Variants in DPP10 observed in about 807,000 individuals in gnomAD.
DPP10 encodes dipeptidyl peptidase like 10.
A neutral mutation model predicts 120.9 loss-of-function variants in DPP10; 33 were observed. That is an observed-to-expected ratio of 0.27 (90% CI 0.21 to 0.37). The LOEUF is 0.37. Ranked by LOEUF, DPP10 falls within the 10% of genes least tolerant of loss-of-function variation. The pLI is 1.00. For synonymous variants in DPP10, 337 were observed against 326.1 expected (o/e 1.03, Z -0.36); for missense variants, 816 against 942.8 (o/e 0.87, Z 1.76).
chr2:114,683,558 C>T (rs191268325), intron 1 of DPP10, among the ~76,000 whole-genome samples: 1,795 of 133,464 alleles, frequency 0.013, 16 homozygotes, highest in Non-Finnish European at 0.021. Context: ...CTCTCTCTCT[C>T]CCTCCCTCCC....
intron 3 of DPP10, among the ~76,000 whole-genome samples, chr2:115,415,135 T>C (rs2069277142): frequency 1.3e-5 from 2 of 152,176 alleles, no homozygotes. Context: ...CCTGGTAAGA[T>C]AAGTATTTGA....
At chr2:115,363,012 A>G (rs1283929969) in intron 3 of DPP10, among the ~76,000 whole-genome samples, 1 of 152,170 alleles carries the variant, frequency 6.6e-6, no homozygotes, top group East Asian at 1.9e-4. Flanking sequence ...TTGAACATTC[A>G]TTACTGGGTT....
intron 1 of DPP10, among the ~76,000 whole-genome samples, chr2:115,141,590 T>C (rs1444768134): frequency 2.6e-5 from 4 of 152,218 alleles, no homozygotes; most frequent in Non-Finnish European, 5.9e-5. Context: ...TAAATACTTG[T>C]TAATAACTTG....
At chr2:114,934,800 T>G (rs1574516620) in intron 1 of DPP10, among the ~76,000 whole-genome samples, 1 of 151,948 alleles carries the variant, frequency 6.6e-6, no homozygotes, top group South Asian at 2.1e-4. Flanking sequence ...GGGGAGGAGG[T>G]AAGTGAAATA....
chr2:115,195,102 A>C (rs1167852561), intron 1 of DPP10, among the ~76,000 whole-genome samples: 1 of 152,170 alleles, frequency 6.6e-6, no homozygotes, highest in African/African-American at 2.4e-5. Flanking sequence ...CTGATGAGTC[A>C]GTATTGTTAT....
At chr2:114,614,668 C>T (rs910264702) in intron 1 of DPP10, among the ~76,000 whole-genome samples, 1 of 152,110 alleles carries the variant, frequency 6.6e-6, no homozygotes, top group African/African-American at 2.4e-5. Context: ...AGTTTGCTTA[C>T]GCAATTTCGG....
chr2:115,816,995 TC>T (rs1242825750), intron 21 of DPP10, among the ~76,000 whole-genome samples: 2 of 145,066 alleles, frequency 1.4e-5, no homozygotes, highest in Non-Finnish European at 3.0e-5. Context: ...ACGCCTGTAA[TC>T]CCAGCACTTT....
chr2:115,671,768 T>G (rs2089895297), intron 5 of DPP10, among the ~76,000 whole-genome samples: 1 of 152,132 alleles, frequency 6.6e-6, no homozygotes, highest in Non-Finnish European at 1.5e-5. Flanking sequence ...TAAAATCATT[T>G]TCTTTCTCTT....
At chr2:115,808,312 T>C (rs1686252441) in intron 19 of DPP10, among the ~76,000 whole-genome samples, 1 of 152,180 alleles carries the variant, frequency 6.6e-6, no homozygotes, top group Non-Finnish European at 1.5e-5. Flanking sequence ...AATACTTCGA[T>C]GACATAAAAC....
chr2:115,387,772 G>A (rs1027373424), intron 3 of DPP10, among the ~76,000 whole-genome samples: 1 of 152,128 alleles, frequency 6.6e-6, no homozygotes, highest in Non-Finnish European at 1.5e-5. Context: ...CAAGCCCTGG[G>A]TCAGTGGCTA....
At chr2:115,419,260 T>G (rs1454185376) in intron 3 of DPP10, among the ~76,000 whole-genome samples, 1 of 152,194 alleles carries the variant, frequency 6.6e-6, no homozygotes, top group Non-Finnish European at 1.5e-5. Context: ...CATACATTCT[T>G]GGATTCATCA....
At chr2:114,540,955 C>T (rs1389447624) in intron 1 of DPP10, among the ~76,000 whole-genome samples, 8 of 152,184 alleles carry the variant, frequency 5.3e-5, no homozygotes, top group Non-Finnish European at 1.2e-4. Flanking sequence ...GAAGCTGCTA[C>T]CCTCCACTCC....
In DPP10 at chr2:114,780,465, C is replaced by A. The variant is rs551918845; in HGVS notation, c.60+337627C>A. Among the ~76,000 whole-genome samples, 90 of 152,068 alleles carry A rather than the reference C, an allele frequency of 5.9e-4. 1 individual carries two copies. Among genetic ancestry groups the A allele is most frequent in the Non-Finnish European group, 4.4e-5 (3 of 67,958 alleles). ...AGAAGTCTGAATCATTATTTTAATTCTTTAGGGTACTGGAAGGAATTTAGG... is the reference window on the plus strand; with the variant it reads ...AGAAGTCTGAATCATTATTTTAATTATTTAGGGTACTGGAAGGAATTTAGG... On this transcript the variant is annotated intron_variant, in intron 1 of 25. Transcript: ENST00000410059.
intron 1 of DPP10, among the ~76,000 whole-genome samples, chr2:114,521,641 T>C (rs113654083): frequency 0.021 from 3,194 of 152,090 alleles, 37 homozygotes; most frequent in South Asian, 0.031. Context: ...TAAAAAAAGG[T>C]CTATTGTGTT....
chr2:115,092,518 G>T (rs1709348964), intron 1 of DPP10, among the ~76,000 whole-genome samples: 1 of 152,146 alleles, frequency 6.6e-6, no homozygotes. Context: ...AGTTGTACCA[G>T]TTCCCATCTC....
intron 21 of DPP10, among the ~76,000 whole-genome samples, chr2:115,826,549 C>T (rs146958995): frequency 0.013 from 1,973 of 152,024 alleles, 46 homozygotes; most frequent in African/African-American, 0.043. Context: ...GGTAAAACAC[C>T]GTCTCTACTA....
intron 1 of DPP10, among the ~76,000 whole-genome samples, chr2:114,502,233 G>A (rs151140230): frequency 3.3e-5 from 5 of 152,080 alleles, no homozygotes; most frequent in Non-Finnish European, 7.3e-5. Context: ...GATAACAGGC[G>A]TGAGCCACTG....
At chr2:114,928,422 T>C (rs535512336) in intron 1 of DPP10, among the ~76,000 whole-genome samples, 1 of 152,236 alleles carries the variant, frequency 6.6e-6, no homozygotes, top group African/African-American at 2.4e-5. Flanking sequence ...TGACATTAAA[T>C]CTTGAATCTC....
intron 7 of DPP10, among the ~76,000 whole-genome samples, chr2:115,712,566 A>ATATATATATAT (rs70941090): frequency 1.4e-4 from 17 of 121,574 alleles, no homozygotes; most frequent in East Asian, 9.4e-4. Context: ...ATATATATAT[A>ATATATATATAT]AAGAAACTGT....
Sources: gnomAD v4.1 joint callset for allele counts (sites outside exome capture counted in the v4.1 genomes callset) on GRCh38, gnomAD v4.1.1 for gene constraint, MANE v1.5 for transcripts, NCBI Gene and HGNC (gene_info 2026-07-23, HGNC 2026-07-21) for gene names.